BMPER: variants seen among roughly 807,000 people sequenced by gnomAD.
BMPER encodes the protein BMP-binding endothelial regulator protein.
A neutral mutation model predicts 87.3 loss-of-function variants in BMPER; 45 were observed. The observed-to-expected ratio is 0.52, with a 90% confidence interval of 0.41 to 0.66. The LOEUF (loss-of-function observed/expected upper bound fraction) is 0.66, where lower values mean the gene tolerates loss of function less well. BMPER is among the 30% of genes least tolerant of loss of function. BMPER has a pLI of 0.00. For synonymous variants in BMPER, 326 were observed against 316.2 expected (o/e 1.03, Z -0.33); for missense variants, 784 against 867.5 (o/e 0.90, Z 1.21).
At chr7:34,078,719 C>T (rs1788930105) in intron 11 of BMPER, 138 bp from the exon 12 acceptor site, 1 of 865,158 alleles carries the variant, frequency 1.2e-6, no homozygotes, top group Non-Finnish European at 1.9e-6. Flanking sequence ...CCTTTAAAAA[C>T]GACCACTTTT....
chr7:34,062,102 GC>G, intron 11 of BMPER, 55 bp downstream of exon 11: 1 of 1,514,466 alleles, frequency 6.6e-7, no homozygotes, highest in East Asian at 2.3e-5. Flanking sequence ...ATTTTATAGT[GC>G]AACAAGAAAA....
intron 14 of BMPER, among the ~76,000 whole-genome samples, chr7:34,146,667 A>C (rs752846749): frequency 6.6e-6 from 1 of 152,170 alleles, no homozygotes; most frequent in Non-Finnish European, 1.5e-5. Flanking sequence ...TTGAGACTTA[A>C]AATAGTTAAG....
intron 6 of BMPER, among the ~76,000 whole-genome samples, chr7:34,000,866 T>C (rs1429083589): frequency 6.6e-6 from 1 of 152,066 alleles, no homozygotes; most frequent in East Asian, 1.9e-4. Context: ...AAGTTCCTCT[T>C]ATTTTTAGTT....
chr7:33,906,923 A>G lies in BMPER; in HGVS notation c.219+20A>G. The G allele has an allele frequency of 1.3e-6, 2 of 1,577,548 alleles. No individual in the cohort carries two copies. The highest frequency in any genetic ancestry group is 1.7e-6 in the Non-Finnish European group (2 of 1,147,172). ...TGCTTGGTAAGTGTGGAGATCAGGT[A>G]ATATGAACTCAACTGCTCTCTCTGA... is the stretch of plus-strand genomic sequence containing the variant. On this transcript the variant is annotated intron_variant, in intron 2 of 14. Transcript: ENST00000649409.
intron 14 of BMPER, among the ~76,000 whole-genome samples, chr7:34,145,070 G>A (rs745424275): frequency 6.6e-6 from 1 of 152,184 alleles, no homozygotes; most frequent in Non-Finnish European, 1.5e-5. Context: ...AATAAACCAG[G>A]AACCTAAGCC....
At chr7:34,034,801 T>A (rs998250606) in intron 6 of BMPER, among the ~76,000 whole-genome samples, 1 of 152,194 alleles carries the variant, frequency 6.6e-6, no homozygotes, top group Non-Finnish European at 1.5e-5. Flanking sequence ...GATGCCAAGT[T>A]ATGTTGGTGA....
intron 13 of BMPER, among the ~76,000 whole-genome samples, chr7:34,103,875 C>T (rs1181345680): frequency 3.9e-5 from 6 of 152,176 alleles, no homozygotes; most frequent in African/African-American, 1.2e-4. Flanking sequence ...GCAAGGGCCA[C>T]CTGTGAAGCC....
intron 3 of BMPER, among the ~76,000 whole-genome samples, chr7:33,959,002 T>C (rs1190354023): frequency 6.6e-6 from 1 of 152,172 alleles, no homozygotes; most frequent in African/African-American, 2.4e-5. Flanking sequence ...GGAGTTCCCC[T>C]GGACACGCTC....
chr7:34,144,777 T>G (rs751708729), intron 14 of BMPER, among the ~76,000 whole-genome samples: 2 of 152,084 alleles, frequency 1.3e-5, no homozygotes, highest in African/African-American at 2.4e-5. Flanking sequence ...GATTGGCAAA[T>G]TTTTGTTTTT....
chr7:33,973,822 T>C (rs1036795419), intron 5 of BMPER, among the ~76,000 whole-genome samples: 1 of 151,464 alleles, frequency 6.6e-6, no homozygotes, highest in Non-Finnish European at 1.5e-5. Context: ...GGCTTTGCTG[T>C]TAACTCATAG....
In BMPER at chr7:34,129,630, G is replaced by GAGAAGGAAAGAAAGAAAGAA. The variant is rs1790515320; in HGVS notation, c.1746-13596_1746-13595insGGAAAGAAAGAAAGAAAGAA. ...AGAGAAAGAGAGAGAGAGAGAAAGA[G>GAGAAGGAAAGAAAGAAAGAA]AGAAAGAAAGAAAGAAAGAAAGAAA... is the stretch of plus-strand genomic sequence containing the variant. On this transcript the variant is annotated intron_variant, in intron 13 of 14. Transcript: ENST00000649409. 1.4e-3 allele frequency among the ~76,000 whole-genome samples: 80 copies of GAGAAGGAAAGAAAGAAAGAA among 56,308 alleles called. 1 individual carries two copies. The highest frequency in any genetic ancestry group is 8.1e-3 in the Middle Eastern group (1 of 124). 36.9% of individuals were successfully genotyped at this position (56,308 alleles called of 152,430 possible). A position where few individuals can be genotyped will look rare whatever the true frequency, so the allele number is the denominator to read the frequency against.
intron 3 of BMPER, among the ~76,000 whole-genome samples, chr7:33,949,045 A>G (rs2128612685): frequency 6.6e-6 from 1 of 152,288 alleles, no homozygotes; most frequent in East Asian, 1.9e-4. Flanking sequence ...TTTGAAAGAA[A>G]GTATGTAGGC....
chr7:34,054,822 G>A (rs1392880412), intron 8 of BMPER, among the ~76,000 whole-genome samples: 1 of 152,198 alleles, frequency 6.6e-6, no homozygotes, highest in African/African-American at 2.4e-5. Flanking sequence ...TTGCAAAGAG[G>A]TAGAGGGCAG....
intron 13 of BMPER, among the ~76,000 whole-genome samples, chr7:34,113,089 A>C (rs1335554783): frequency 6.6e-6 from 1 of 151,884 alleles, no homozygotes; most frequent in Admixed American, 6.6e-5. Flanking sequence ...AGCTCATTGC[A>C]TGCACCCTGC....
At chr7:33,998,310 G>A (rs566754068) in intron 6 of BMPER, among the ~76,000 whole-genome samples, 2 of 152,288 alleles carry the variant, frequency 1.3e-5, no homozygotes, top group South Asian at 2.1e-4. Context: ...TTGTCTGTGC[G>A]TTATCCTTGT....
At chr7:33,979,427 C>G (rs4723346) in intron 6 of BMPER, among the ~76,000 whole-genome samples, 19,196 of 151,770 alleles carry the variant, frequency 0.13, 1,674 homozygotes, top group Admixed American at 0.23. Context: ...CTCCATGGCT[C>G]TCGTTTGCTA....
chr7:33,937,089 G>C (rs1784620332), intron 2 of BMPER, among the ~76,000 whole-genome samples, 200 bp from the exon 3 acceptor site: 1 of 152,172 alleles, frequency 6.6e-6, no homozygotes. Context: ...CCTCTCATCT[G>C]ACTCTGATCT....
At chr7:33,945,102 C>T (rs891902160) in intron 3 of BMPER, among the ~76,000 whole-genome samples, 18 of 152,084 alleles carry the variant, frequency 1.2e-4, no homozygotes, top group African/African-American at 3.6e-4. Context: ...CCAACACGCC[C>T]GGCTAATTTT....
At chr7:34,125,464 T>C (rs1211825427) in intron 13 of BMPER, among the ~76,000 whole-genome samples, 1 of 152,222 alleles carries the variant, frequency 6.6e-6, no homozygotes, top group Non-Finnish European at 1.5e-5. Flanking sequence ...AATAAAATTA[T>C]TTTTCTATTT....
Sources: gnomAD v4.1 joint callset for allele counts (sites outside exome capture counted in the v4.1 genomes callset) on GRCh38, gnomAD v4.1.1 for gene constraint, MANE v1.5 for transcripts, NCBI Gene and HGNC (gene_info 2026-07-23, HGNC 2026-07-21) for gene names.